Variants in SESTD1 observed in about 807,000 individuals in gnomAD.
The protein encoded by SESTD1 is SEC14 domain and spectrin repeat-containing protein 1.
Under a neutral mutation model 101.7 loss-of-function variants are expected in SESTD1, and 43 were observed. That is an observed-to-expected ratio of 0.42 (90% CI 0.33 to 0.55). The LOEUF is 0.55. Among genes scored for constraint, SESTD1 ranks in the 20% least tolerant of loss-of-function variants. The pLI is 0.07. For synonymous variants in SESTD1, 283 were observed against 286.8 expected (o/e 0.99, Z 0.13); for missense variants, 647 against 815.1 (o/e 0.79, Z 2.51).
In SESTD1 at chr2:179,201,918, T is replaced by TATAATAATAATAATA. The variant is rs147660848; in HGVS notation, c.-25-10067_-25-10053dup. Among the ~76,000 whole-genome samples, 17 of 103,278 alleles carry TATAATAATAATAATA rather than the reference T, an allele frequency of 1.6e-4. 2 individuals carry two copies. The highest frequency in any genetic ancestry group is 4.3e-4 in the African/African-American group (10 of 23,106). 67.8% of individuals were successfully genotyped at this position (103,278 alleles called of 152,430 possible). On this transcript the variant is annotated intron_variant, in intron 1 of 17. Transcript: ENST00000428443. ...TGCACATGTACCCTAAAACTTAAAGTATAATAATAATAATAATAATAATAA... is the reference window on the plus strand; with the variant it reads ...TGCACATGTACCCTAAAACTTAAAGTATAATAATAATAATAATAATAATAATAATAATAATAATAA...
chr2:179,152,261 A>G (rs900014566), intron 5 of SESTD1, among the ~76,000 whole-genome samples: 4 of 152,222 alleles, frequency 2.6e-5, no homozygotes, highest in African/African-American at 9.6e-5. Flanking sequence ...AACTCCTAAG[A>G]AAGCTGAGGT....
At chr2:179,184,418 T>C (rs1303805400) in intron 2 of SESTD1, among the ~76,000 whole-genome samples, 1 of 152,200 alleles carries the variant, frequency 6.6e-6, no homozygotes, top group South Asian at 2.1e-4. Flanking sequence ...AATGAACCTC[T>C]GTCCTCCATT....
At chr2:179,247,965 T>C (rs187051122) in intron 1 of SESTD1, among the ~76,000 whole-genome samples, 260 of 152,016 alleles carry the variant, frequency 1.7e-3, no homozygotes, top group South Asian at 0.016. Context: ...TTTATAGCAC[T>C]AAATGCATAC....
intron 4 of SESTD1, among the ~76,000 whole-genome samples, chr2:179,173,749 T>G (rs1336923754): frequency 6.6e-6 from 1 of 152,156 alleles, no homozygotes; most frequent in Non-Finnish European, 1.5e-5. Flanking sequence ...CAGGCCATAA[T>G]GTCTCTATTG....
chr2:179,178,043 G>C (rs1191353162), intron 3 of SESTD1, among the ~76,000 whole-genome samples: 1 of 152,180 alleles, frequency 6.6e-6, no homozygotes, highest in East Asian at 1.9e-4. Context: ...AGGGTTAGGA[G>C]GGAAGAATGG....
intron 1 of SESTD1, among the ~76,000 whole-genome samples, chr2:179,209,284 A>C (rs1035583836): frequency 1.5e-5 from 2 of 134,392 alleles, no homozygotes; most frequent in Non-Finnish European, 3.2e-5. Context: ...GGGGAAATAC[A>C]ATACTCTCCT....
chr2:179,127,793 C>T (rs1286704614), intron 10 of SESTD1, among the ~76,000 whole-genome samples: 1 of 152,124 alleles, frequency 6.6e-6, no homozygotes, highest in African/African-American at 2.4e-5. Flanking sequence ...CAATAACAAG[C>T]ATAGAATATT....
At chr2:179,235,127 T>C (rs1368413694) in intron 1 of SESTD1, among the ~76,000 whole-genome samples, 1 of 152,080 alleles carries the variant, frequency 6.6e-6, no homozygotes, top group Non-Finnish European at 1.5e-5. Flanking sequence ...ACTGCAAAAT[T>C]TAAATAAAGT....
rs988980451 is a variant in SESTD1, at chr2:179,101,684, T to C, written c.*8215A>G. On this transcript the variant is annotated 3_prime_UTR_variant, in exon 18 of 18. Transcript: ENST00000428443. ...AAGACAGGAATGTCAAGTGTTGATA[T>C]TGACTCATTCACATTTTCTCCCAAT... The C allele has an allele frequency of 1.1e-4, 17 of 152,310 alleles. No homozygotes were observed. The highest frequency in any genetic ancestry group is 1.8e-4 in the Non-Finnish European group (12 of 68,016). 9.4% of individuals were successfully genotyped at this position (152,310 alleles called of 1,614,324 possible).
rs1336932846 is a variant in SESTD1, at chr2:179,106,791, CCAA to C, written c.*3105_*3107del. 1.3e-5 allele frequency: 2 copies of C among 152,046 alleles called. No individual in the cohort carries two copies. Among genetic ancestry groups the C allele is most frequent in the Non-Finnish European group, 2.9e-5 (2 of 67,998 alleles). 9.4% of individuals were successfully genotyped at this position (152,046 alleles called of 1,614,324 possible). A position where few individuals can be genotyped will look rare whatever the true frequency, so the allele number is the denominator to read the frequency against. ...GAGTCACCAGAACTGAACAAAGTGA[CCAA>C]CAATGAGGACTGGGAACAAAGCCAA... On this transcript the variant is annotated 3_prime_UTR_variant, in exon 18 of 18. Coordinates refer to ENST00000428443, the MANE Select transcript of SESTD1 (RefSeq NM_178123.5).
rs117738325 is a variant in SESTD1 at position 179,156,490 on chromosome 2, A to G, written c.370-5099T>C. Among the ~76,000 whole-genome samples, 146 of 152,208 alleles carry G rather than the reference A, an allele frequency of 9.6e-4. 4 individuals carry two copies. In the East Asian group the frequency reaches 0.023, roughly 24 times the overall value. ...TTCCCTGATCACGGCATTCACGCCAACATCTGTTTTTTGATTATAGCCATT... is the reference window on the plus strand; with the variant it reads ...TTCCCTGATCACGGCATTCACGCCAGCATCTGTTTTTTGATTATAGCCATT... On this transcript the variant is annotated intron_variant, in intron 5 of 17. Transcript: ENST00000428443.
chr2:179,117,398 AAGAT>A (rs3217565), intron 14 of SESTD1, 130 bp downstream of exon 14: 262,907 of 697,604 alleles, frequency 0.38, 55,327 homozygotes, highest in African/African-American at 0.75. Context: ...ATTCTTCAAC[AAGAT>A]AGATAAACTA....
In SESTD1 at chr2:179,140,076, G is replaced by T. The variant is rs532134873; in HGVS notation, c.849+3516C>A. Reference sequence around the variant, plus strand: ...CTTTGATTCCGTTTACGTCCACCTTGTTGGGAACTCGATAGTATTAATTAT... The same window carrying T: ...CTTTGATTCCGTTTACGTCCACCTTTTTGGGAACTCGATAGTATTAATTAT... On this transcript the variant is annotated intron_variant, in intron 9 of 17. Coordinates refer to ENST00000428443, the MANE Select transcript of SESTD1 (RefSeq NM_178123.5). 2.0e-5 allele frequency among the ~76,000 whole-genome samples: 3 copies of T among 152,104 alleles called. No individual in the cohort carries two copies. In the East Asian group the frequency reaches 5.8e-4, roughly 29 times the overall value.
chr2:179,214,043 C>A lies in SESTD1; in HGVS notation c.-25-22177G>T, dbSNP rs1046254118. Among the ~76,000 whole-genome samples the A allele has an allele frequency of 2.2e-5, 3 of 135,100 alleles. 1 individual carries two copies. Among genetic ancestry groups the A allele is most frequent in the Admixed American group, 2.2e-4 (3 of 13,882 alleles). The allele number at this position is 135,100 out of a possible 152,430, so 88.6% of individuals were successfully genotyped here. Reference sequence around the variant, plus strand: ...GCAAAAACGTGCCAATGTGTAAAGACCATTGATGCTACAAAGAAACTGCAT... The same window carrying A: ...GCAAAAACGTGCCAATGTGTAAAGAACATTGATGCTACAAAGAAACTGCAT... On this transcript the variant is annotated intron_variant, in intron 1 of 17. Transcript: ENST00000428443.
At position 179,209,149 on chromosome 2, in the gene SESTD1, G is replaced by A. The variant is rs1345674117; in HGVS notation, c.-25-17283C>T. On this transcript the variant is annotated intron_variant, in intron 1 of 17. Coordinates refer to ENST00000428443, the MANE Select transcript of SESTD1 (RefSeq NM_178123.5). Reference sequence around the variant, plus strand: ...AAGAGGGGCATTATATAATGATACAGGACTAGTTCAACAGGAAAATATCAC... The same window carrying A: ...AAGAGGGGCATTATATAATGATACAAGACTAGTTCAACAGGAAAATATCAC... 2.2e-5 allele frequency among the ~76,000 whole-genome samples: 3 copies of A among 134,434 alleles called. 1 individual carries two copies. Among genetic ancestry groups the A allele is most frequent in the African/African-American group, 8.9e-5 (3 of 33,848 alleles). The allele number at this position is 134,434 out of a possible 152,430, so 88.2% of individuals were successfully genotyped here. A position where few individuals can be genotyped will look rare whatever the true frequency, so the allele number is the denominator to read the frequency against.
intron 1 of SESTD1, among the ~76,000 whole-genome samples, chr2:179,259,734 G>GA (rs372629028): frequency 2.7e-4 from 40 of 148,832 alleles, no homozygotes; most frequent in African/African-American, 5.4e-4. Flanking sequence ...TACATGCAAA[G>GA]AAAAAAAAAA....
Position 179,146,433 on chromosome 2 carries a change from T to A in SESTD1, c.606A>T (p.Pro202=). 1 of 1,613,206 alleles carries A rather than the reference T, an allele frequency of 6.2e-7. No homozygotes were observed. Residue 202 remains proline, a synonymous_variant, in exon 8 of 18, where the codon CCA becomes CCT. Coordinates refer to ENST00000428443, the MANE Select transcript of SESTD1 (RefSeq NM_178123.5). ...GAAGAACTGTTTCAGGATCAACCGA[T>A]GGAAGAAAGTTTAAATCCACAGACC... The part of the protein sequence containing the change: ...KERSVDLNFL[P]SVDPETVLQT...
intron 6 of SESTD1, among the ~76,000 whole-genome samples, chr2:179,150,444 C>A (rs1397161432): frequency 2.6e-5 from 4 of 151,908 alleles, no homozygotes; most frequent in Non-Finnish European, 5.9e-5. Flanking sequence ...CTTAATCTGT[C>A]AAACTGCTCT....
intron 1 of SESTD1, among the ~76,000 whole-genome samples, chr2:179,228,178 G>A (rs894719051): frequency 6.6e-6 from 1 of 152,020 alleles, no homozygotes; most frequent in Non-Finnish European, 1.5e-5. Context: ...GTTACCAGGC[G>A]GCCTCTATAA....
Sources: gnomAD v4.1 joint callset for allele counts (sites outside exome capture counted in the v4.1 genomes callset) on GRCh38, gnomAD v4.1.1 for gene constraint, MANE v1.5 for transcripts, NCBI Gene and HGNC (gene_info 2026-07-23, HGNC 2026-07-21) for gene names.